The following AEBP2 variants were observed in gnomAD, a reference collection of about 807,000 sequenced individuals.
AEBP2 encodes AE binding protein 2.
Under a neutral mutation model 50.8 loss-of-function variants are expected in AEBP2, and 10 were observed. That is an observed-to-expected ratio of 0.20 (90% confidence interval 0.12 to 0.33). The LOEUF (loss-of-function observed/expected upper bound fraction) is 0.33, where lower values mean the gene tolerates loss of function less well. Ranked by LOEUF, AEBP2 falls within the 10% of genes least tolerant of loss-of-function variation. The probability of loss-of-function intolerance (pLI) is 1.00; values close to 1 mark genes in which losing one functional copy is unlikely to be tolerated. For synonymous variants in AEBP2, 296 were observed against 261.3 expected (o/e 1.13, Z -1.28); for missense variants, 570 against 688.0 (o/e 0.83, Z 1.92).
At chr12:19,456,928 A>G (rs1948279856) in intron 1 of AEBP2, 3 of 1,454,304 alleles carry the variant, frequency 2.1e-6, no homozygotes, top group African/African-American at 2.8e-5. Flanking sequence ...AGTTGGTGGT[A>G]GGATGTAGTC....
chr12:19,466,958 G>T (rs1565717330), intron 2 of AEBP2: 12 of 272,296 alleles, frequency 4.4e-5, no homozygotes, highest in Non-Finnish European at 6.7e-5. Flanking sequence ...ACTTAGCATT[G>T]TTTTTTTCCC....
chr12:19,498,144 A>G (rs145350038), intron 4 of AEBP2, among the ~76,000 whole-genome samples: 149 of 152,308 alleles, frequency 9.8e-4, no homozygotes, highest in African/African-American at 3.4e-3. Flanking sequence ...GGTTAATTTT[A>G]GTGATTTAGA....
intron 2 of AEBP2, among the ~76,000 whole-genome samples, chr12:19,466,102 G>A (rs1338427550): frequency 2.0e-5 from 3 of 151,942 alleles, no homozygotes; most frequent in Non-Finnish European, 2.9e-5. Context: ...GAGCCACCAT[G>A]CCTAGCGGGT....
chr12:19,437,657 ATTTACAG>A (rs1947874282), upstream of AEBP2, among the ~76,000 whole-genome samples: 1 of 152,162 alleles, frequency 6.6e-6, no homozygotes, highest in Non-Finnish European at 1.5e-5. Flanking sequence ...ATAGTTTTTA[ATTTACAG>A]TTTACAGTGT....
chr12:19,448,645 T>C (rs1948115980), intron 1 of AEBP2, among the ~76,000 whole-genome samples: 1 of 152,170 alleles, frequency 6.6e-6, no homozygotes, highest in South Asian at 2.1e-4. Context: ...GTTTCATTAG[T>C]GTGGCTGATT....
intron 1 of AEBP2, among the ~76,000 whole-genome samples, chr12:19,453,137 T>A (rs754288931): frequency 5.3e-4 from 80 of 151,924 alleles, no homozygotes; most frequent in Non-Finnish European, 8.4e-4. Flanking sequence ...CCCGGATGAT[T>A]TTTTTGTATT....
At chr12:19,488,893 T>C (rs981558720) in intron 3 of AEBP2, among the ~76,000 whole-genome samples, 2 of 152,108 alleles carry the variant, frequency 1.3e-5, no homozygotes, top group Non-Finnish European at 2.9e-5. Context: ...AGGTTCAAGC[T>C]ATTCTCCTGC....
At chr12:19,474,451 A>G (rs1331061474) in intron 3 of AEBP2, among the ~76,000 whole-genome samples, 1 of 152,220 alleles carries the variant, frequency 6.6e-6, no homozygotes, top group Non-Finnish European at 1.5e-5. Context: ...GCAAAGGTTT[A>G]CACTAAGAAT....
At chr12:19,427,456 T>C (rs1240126217) in intron 1 of AEBP2, among the ~76,000 whole-genome samples, 1 of 151,814 alleles carries the variant, frequency 6.6e-6, no homozygotes, top group African/African-American at 2.4e-5. Flanking sequence ...TCTTCTCCTA[T>C]GTTTGAAACT....
upstream of AEBP2, among the ~76,000 whole-genome samples, chr12:19,434,958 C>T (rs1193172226): frequency 6.6e-6 from 1 of 152,158 alleles, no homozygotes; most frequent in Non-Finnish European, 1.5e-5. Context: ...CTTGCCATTT[C>T]CATGTGTCTA....
intron 3 of AEBP2, among the ~76,000 whole-genome samples, chr12:19,486,047 AT>A (rs1230033973): frequency 4.0e-5 from 5 of 125,800 alleles, no homozygotes; most frequent in African/African-American, 1.2e-4. Context: ...TTTGTTTCTT[AT>A]GTTCGTATGC....
chr12:19,413,447 A>G, intron 1 of AEBP2: 4 of 1,117,466 alleles, frequency 3.6e-6, no homozygotes, highest in Non-Finnish European at 5.5e-6. Context: ...TCTGATGAAG[A>G]AGACGATTAT....
At chr12:19,457,568 C>G in intron 1 of AEBP2, 3 of 1,483,022 alleles carry the variant, frequency 2.0e-6, no homozygotes, top group South Asian at 2.6e-5. Flanking sequence ...ATTTGTAGTT[C>G]AGATGGCCAG....
At chr12:19,451,792 C>CT (rs1948170411) in intron 1 of AEBP2, among the ~76,000 whole-genome samples, 1 of 151,866 alleles carries the variant, frequency 6.6e-6, no homozygotes, top group African/African-American at 2.4e-5. Context: ...ATGTTGAGCT[C>CT]TGATACTCAA....
intron 3 of AEBP2, among the ~76,000 whole-genome samples, chr12:19,491,815 A>G (rs949080335): frequency 4.6e-5 from 7 of 152,190 alleles, no homozygotes; most frequent in African/African-American, 1.7e-4. Flanking sequence ...ATAAATATTC[A>G]TAAATATACA....
intron 3 of AEBP2, among the ~76,000 whole-genome samples, chr12:19,490,059 C>T (rs1265490054): frequency 8.1e-6 from 1 of 124,214 alleles, no homozygotes; most frequent in Non-Finnish European, 1.6e-5. Context: ...TTTGCCCAGG[C>T]TAGTCTCAAA....
At chr12:19,504,998 A>G (rs1420719473) in intron 5 of AEBP2, among the ~76,000 whole-genome samples, 1 of 152,208 alleles carries the variant, frequency 6.6e-6, no homozygotes, top group African/African-American at 2.4e-5. Flanking sequence ...AAGAGACATG[A>G]ATTTGAGGAA....
At chr12:19,479,716 G>GTTTTTTTTTTTTTTTTTTT in intron 3 of AEBP2, among the ~76,000 whole-genome samples, 1 of 29,894 alleles carries the variant, frequency 3.3e-5, no homozygotes, top group Non-Finnish European at 8.0e-5. Flanking sequence ...CCTCTTTGTG[G>GTTTTTTTTTTTTTTTTTTT]GTTTTTTTTT....
At chr12:19,470,682 C>G (rs1321855420) in intron 2 of AEBP2, among the ~76,000 whole-genome samples, 1 of 152,154 alleles carries the variant, frequency 6.6e-6, no homozygotes, top group African/African-American at 2.4e-5. Flanking sequence ...CTGCCATTAT[C>G]TCTATAGTCA....
Sources: allele counts gnomAD v4.1 joint callset (sites outside exome capture counted in the v4.1 genomes callset), GRCh38; gene constraint gnomAD v4.1.1; transcripts MANE v1.5; gene names NCBI Gene and HGNC (gene_info 2026-07-23, HGNC 2026-07-21).